C5: variants seen among roughly 807,000 people sequenced by gnomAD.
The protein encoded by C5 is complement C5.
C5 carries 140 observed loss-of-function variants against 218.8 expected under a neutral mutation model. The ratio of observed to expected loss-of-function variants is 0.64; its 90% CI spans 0.56 to 0.74. The LOEUF (loss-of-function observed/expected upper bound fraction) is 0.74. Ranked by LOEUF, C5 falls within the 30% of genes least tolerant of loss-of-function variation. The pLI is 0.00. For synonymous variants in C5, 614 were observed against 682.3 expected (o/e 0.90, Z 1.56); for missense variants, 1,700 against 1,969.6 (o/e 0.86, Z 2.59).
Position 120,961,560 on chromosome 9 carries a change from G to GT in C5, c.4509dup (p.Gln1504ThrfsTer7). On this transcript the variant is annotated frameshift_variant, in exon 37 of 41. Coordinates refer to ENST00000223642, the MANE Select transcript of C5 (RefSeq NM_001735.3). LOFTEE classifies it high-confidence loss of function. ...GAAGTGCTATAAAACATGGTACACT[G>GT]TTTATCTGTGGCAACAAAAGTGTGG... 6.2e-7 allele frequency: 1 copy of GT among 1,606,760 alleles called. No homozygotes were observed. The highest frequency in any genetic ancestry group is 8.5e-7 in the Non-Finnish European group (1 of 1,173,292).
At chr9:120,980,314 G>A (rs1171414640) in intron 27 of C5, 60 bp from the exon 28 acceptor site, 12 of 1,435,544 alleles carry the variant, frequency 8.4e-6, no homozygotes, top group Non-Finnish European at 5.9e-6. Context: ...CAATTGATAT[G>A]AACTACCCTC....
chr9:120,954,516 A>C (rs2046770855), intron 39 of C5, among the ~76,000 whole-genome samples: 1 of 152,170 alleles, frequency 6.6e-6, no homozygotes, highest in Admixed American at 6.5e-5. Context: ...GTATCCAGTA[A>C]AATATTCCTG....
At chr9:120,954,113 C>A (rs996283228) in intron 39 of C5, among the ~76,000 whole-genome samples, 4 of 152,094 alleles carry the variant, frequency 2.6e-5, no homozygotes, top group Admixed American at 6.6e-5. Context: ...AGGCCTTAGA[C>A]CCTCATCTTA....
intron 25 of C5, among the ~76,000 whole-genome samples, chr9:120,984,696 AATAGGT>A (rs67621428): frequency 0.35 from 50,571 of 145,182 alleles, 10,598 homozygotes; most frequent in South Asian, 0.62. Context: ...GTAAGTATTC[AATAGGT>A]ATAAGCTCTT....
the C5 span, chr9:121,074,834 C>A: frequency 2.2e-6 from 1 of 456,138 alleles, no homozygotes; most frequent in African/African-American, 2.0e-5. Context: ...GACTCCCCGG[C>A]ATCCTAGCGC....
chr9:121,074,823 A>T, the C5 span: 1 of 456,034 alleles, frequency 2.2e-6, no homozygotes, highest in East Asian at 6.9e-5. Flanking sequence ...CTCGCGCCCA[A>T]GACTCCCCGG....
intron 29 of C5, 43 bp downstream of exon 29, chr9:120,976,657 A>G: frequency 2.0e-6 from 3 of 1,520,374 alleles, no homozygotes; most frequent in Non-Finnish European, 1.8e-6. Flanking sequence ...GGGAGAAAAT[A>G]AAAATGTCTA....
At chr9:121,060,897 C>T in the C5 span, among the ~76,000 whole-genome samples, 5 of 151,972 alleles carry the variant, frequency 3.3e-5, no homozygotes, top group African/African-American at 1.2e-4. Context: ...TTTAAAAATC[C>T]CAGAATCAGG....
chr9:120,995,308 C>T (rs956809726), intron 22 of C5, among the ~76,000 whole-genome samples: 4 of 152,028 alleles, frequency 2.6e-5, no homozygotes, highest in Admixed American at 1.3e-4. Flanking sequence ...ATTGATACAA[C>T]GTTAAGATAA....
chr9:120,969,516 T>C (rs2046894684), intron 32 of C5, among the ~76,000 whole-genome samples: 1 of 152,130 alleles, frequency 6.6e-6, no homozygotes, highest in Admixed American at 6.5e-5. Context: ...GGCAGCAACA[T>C]TCATTCTGAC....
At chr9:121,058,806 T>C in the C5 span, among the ~76,000 whole-genome samples, 1 of 152,358 alleles carries the variant, frequency 6.6e-6, no homozygotes, top group Non-Finnish European at 1.5e-5. Flanking sequence ...TCCACACATT[T>C]TGATTCTTAT....
intron 3 of C5, among the ~76,000 whole-genome samples, chr9:121,041,864 G>A (rs1012854521): frequency 1.6e-4 from 24 of 152,120 alleles, no homozygotes; most frequent in South Asian, 2.1e-4. Context: ...CTATTATTCT[G>A]GAGATTTTAT....
intron 18 of C5, among the ~76,000 whole-genome samples, chr9:121,008,036 A>C (rs1192287943): frequency 6.6e-6 from 1 of 152,174 alleles, no homozygotes; most frequent in Non-Finnish European, 1.5e-5. Flanking sequence ...TTGAATAGAA[A>C]ACTTTAAAAA....
At chr9:121,054,370 C>G (rs2047687993), upstream of C5, among the ~76,000 whole-genome samples, 1 of 152,172 alleles carries the variant, frequency 6.6e-6, no homozygotes, top group Non-Finnish European at 1.5e-5. Flanking sequence ...GAGGCTGAGG[C>G]AGGCAGATCA....
At chr9:120,964,998 G>C (rs1163207553) in intron 33 of C5, among the ~76,000 whole-genome samples, 1 of 152,118 alleles carries the variant, frequency 6.6e-6, no homozygotes, top group Non-Finnish European at 1.5e-5. Context: ...TGTAAAAGTT[G>C]ATTTCAGGTT....
At chr9:120,963,032 T>G in intron 34 of C5, 65 bp from the exon 35 acceptor site, 1 of 1,192,218 alleles carries the variant, frequency 8.4e-7, no homozygotes. Context: ...TGCATTCACC[T>G]GTTGATGAGA....
chr9:121,025,608 T>C, intron 8 of C5, 28 bp from the exon 9 acceptor site: 1 of 1,605,536 alleles, frequency 6.2e-7, no homozygotes, highest in Non-Finnish European at 8.5e-7. Flanking sequence ...AAGGAGGAGT[T>C]ATTTCGGAGA....
At chr9:121,071,563 T>C in the C5 span, among the ~76,000 whole-genome samples, 1 of 152,052 alleles carries the variant, frequency 6.6e-6, no homozygotes, top group Non-Finnish European at 1.5e-5. Flanking sequence ...TGCACACCTA[T>C]AGACTGAGCT....
At chr9:121,030,254 A>T in intron 7 of C5, 143 bp downstream of exon 7, 1 of 574,160 alleles carries the variant, frequency 1.7e-6, no homozygotes. Context: ...TACCAGCATG[A>T]TGTCTCCTTT....
Sources: allele counts gnomAD v4.1 joint callset (sites outside exome capture counted in the v4.1 genomes callset), GRCh38; gene constraint gnomAD v4.1.1; transcripts MANE v1.5; gene names NCBI Gene and HGNC (gene_info 2026-07-23, HGNC 2026-07-21).